Variants in SCAPER observed in about 807,000 individuals in gnomAD.
SCAPER encodes S phase cyclin A-associated protein in the endoplasmic reticulum.
In SCAPER, 98 loss-of-function variants were observed where a neutral mutation model predicts 182.2. The observed-to-expected ratio is 0.54, with a 90% CI of 0.46 to 0.64. SCAPER has a LOEUF of 0.64. SCAPER is among the 30% of genes least tolerant of loss of function. SCAPER has a pLI of 0.00. For synonymous variants in SCAPER, 605 were observed against 564.6 expected (o/e 1.07, Z -1.01); for missense variants, 1,432 against 1,690.0 (o/e 0.85, Z 2.68).
In SCAPER at chr15:76,434,188, A is replaced by G. The variant is rs765329068; in HGVS notation, c.3201T>C (p.Asn1067=). ...CTGGCTGGCAGTTTCCATCTGGTCG[A>G]TTGGCAATCAGGCAGCCCAAAACCA... is the stretch of plus-strand genomic sequence containing the variant. ...SAVVLGCLIA[N]RPDGNCQPAT... Residue 1067 remains asparagine, a synonymous_variant, in exon 26 of 32, where the codon AAT becomes AAC. Transcript: ENST00000563290. The G allele has an allele frequency of 1.4e-5, 22 of 1,613,938 alleles. No individual in the cohort carries two copies. The South Asian group carries it at 2.3e-4, about 17-fold the overall frequency.
chr15:76,402,343 T>A (rs1197301181), intron 27 of SCAPER, among the ~76,000 whole-genome samples: 1 of 152,188 alleles, frequency 6.6e-6, no homozygotes, highest in African/African-American at 2.4e-5. Flanking sequence ...AATAGCTCCT[T>A]GTCCAGAGAA....
chr15:76,355,557 T>C (rs935572869), intron 29 of SCAPER, among the ~76,000 whole-genome samples: 7 of 140,880 alleles, frequency 5.0e-5, no homozygotes, highest in East Asian at 2.1e-4. Context: ...TTTTTTTTTT[T>C]CCCCTCCTTG....
chr15:76,614,985 A>G (rs1351139169), intron 22 of SCAPER, among the ~76,000 whole-genome samples: 3 of 152,244 alleles, frequency 2.0e-5, no homozygotes, highest in Admixed American at 1.3e-4. Flanking sequence ...AGTACTATTA[A>G]CAACTGTATG....
chr15:76,449,873 CTT>C (rs1567163188), intron 25 of SCAPER, among the ~76,000 whole-genome samples: 1 of 152,192 alleles, frequency 6.6e-6, no homozygotes, highest in Non-Finnish European at 1.5e-5. Context: ...GCTTATGACA[CTT>C]TGTTTTTAAC....
At chr15:76,403,254 G>A (rs2044595475) in intron 27 of SCAPER, among the ~76,000 whole-genome samples, 1 of 152,202 alleles carries the variant, frequency 6.6e-6, no homozygotes, top group Non-Finnish European at 1.5e-5. Flanking sequence ...GCCAACCTCT[G>A]TGTACTATGG....
Position 76,756,743 on chromosome 15 carries a change from C to T in SCAPER, c.1726-2795G>A, listed in dbSNP as rs1024989757. 4.6e-5 allele frequency among the ~76,000 whole-genome samples: 7 copies of T among 152,180 alleles called. No individual in the cohort carries two copies. In the East Asian group the frequency reaches 1.3e-3, roughly 29 times the overall value. ...ATAAGAGTGACTGTATATTAAACAA[C>T]ATCCAACCTAGCACTGTTACTATTT... On this transcript the variant is annotated intron_variant, in intron 14 of 31. Coordinates refer to ENST00000563290, the MANE Select transcript of SCAPER (RefSeq NM_020843.4).
At chr15:76,798,934 T>C (rs117033530) in intron 7 of SCAPER, among the ~76,000 whole-genome samples, 1 of 151,804 alleles carries the variant, frequency 6.6e-6, no homozygotes, top group East Asian at 1.9e-4. Flanking sequence ...CTCGAATCTG[T>C]ATGAAGAAAT....
intron 24 of SCAPER, among the ~76,000 whole-genome samples, chr15:76,495,932 C>T (rs921924257): frequency 6.6e-6 from 1 of 150,572 alleles, no homozygotes; most frequent in Non-Finnish European, 1.5e-5. Flanking sequence ...GATTAAAGTT[C>T]TGAGCTGTAT....
chr15:76,417,909 T>C (rs1225228706), intron 26 of SCAPER, among the ~76,000 whole-genome samples: 1 of 152,040 alleles, frequency 6.6e-6, no homozygotes, highest in Non-Finnish European at 1.5e-5. Context: ...TCCCAGCTAC[T>C]TGGGAGGCTG....
At chr15:76,484,154 G>A (rs989380695) in intron 24 of SCAPER, among the ~76,000 whole-genome samples, 14 of 152,154 alleles carry the variant, frequency 9.2e-5, no homozygotes, top group Middle Eastern at 3.4e-3. Flanking sequence ...TTATTATTCA[G>A]CAATAAAAAG....
intron 25 of SCAPER, among the ~76,000 whole-genome samples, chr15:76,454,914 T>C (rs1226261898): frequency 6.6e-6 from 1 of 152,192 alleles, no homozygotes; most frequent in East Asian, 1.9e-4. Flanking sequence ...TCAGGCTTTC[T>C]ATTTCTTCTT....
intron 21 of SCAPER, among the ~76,000 whole-genome samples, chr15:76,631,015 CTT>C (rs2053058849): frequency 6.6e-6 from 1 of 152,102 alleles, no homozygotes; most frequent in Non-Finnish European, 1.5e-5. Flanking sequence ...ACAGTTAGGT[CTT>C]CTTGTTGAAT....
At chr15:76,539,623 C>A (rs1170024921) in intron 23 of SCAPER, among the ~76,000 whole-genome samples, 2 of 145,766 alleles carry the variant, frequency 1.4e-5, no homozygotes, top group East Asian at 4.1e-4. Context: ...TGGCTCACTA[C>A]AGGCTCCGCC....
chr15:76,643,797 A>C (rs2054308843), intron 21 of SCAPER, among the ~76,000 whole-genome samples: 1 of 152,214 alleles, frequency 6.6e-6, no homozygotes, highest in East Asian at 1.9e-4. Context: ...AGAGTTCATG[A>C]TTTTAATTTC....
In SCAPER at chr15:76,415,658, C is replaced by T. The variant is rs376987984; in HGVS notation, c.3312-10979G>A. ...ATAGCATTTACGTAAATTTAAAAAA[C>T]GATTAAAAGTAGAATATGTTGTTTA... On this transcript the variant is annotated intron_variant, in intron 26 of 31. Transcript: ENST00000563290. Among the ~76,000 whole-genome samples the T allele has an allele frequency of 2.0e-4, 31 of 151,976 alleles. 1 individual carries two copies. The East Asian group carries it at 4.6e-3, about 23-fold the overall frequency.
chr15:76,805,380 A>G (rs1195281307), intron 5 of SCAPER, among the ~76,000 whole-genome samples: 1 of 152,172 alleles, frequency 6.6e-6, no homozygotes, highest in Non-Finnish European at 1.5e-5. Flanking sequence ...CATTCCCAGC[A>G]GCAATTTATG....
intron 20 of SCAPER, among the ~76,000 whole-genome samples, chr15:76,689,801 G>A (rs1490717696): frequency 1.3e-5 from 2 of 151,534 alleles, no homozygotes; most frequent in Non-Finnish European, 2.9e-5. Flanking sequence ...GTAAAGAGGT[G>A]TCCAAAAAAA....
At chr15:76,387,794 A>C (rs548584353) in intron 27 of SCAPER, among the ~76,000 whole-genome samples, 2 of 152,326 alleles carry the variant, frequency 1.3e-5, no homozygotes, top group Admixed American at 1.3e-4. Flanking sequence ...TACACAAATG[A>C]CTTAAGTCTT....
intron 22 of SCAPER, among the ~76,000 whole-genome samples, chr15:76,582,222 A>G (rs1484210269): frequency 6.6e-6 from 1 of 152,246 alleles, no homozygotes; most frequent in Non-Finnish European, 1.5e-5. Context: ...AGACTCCACC[A>G]AAAAACTATT....
Sources: gnomAD v4.1 joint callset for allele counts (sites outside exome capture counted in the v4.1 genomes callset) on GRCh38, gnomAD v4.1.1 for gene constraint, MANE v1.5 for transcripts, NCBI Gene and HGNC (gene_info 2026-07-23, HGNC 2026-07-21) for gene names.